Variants in PLCXD3 observed in about 807,000 individuals in gnomAD.
The protein encoded by PLCXD3 is phosphatidylinositol specific phospholipase C X domain containing 3.
Under a neutral mutation model 25.5 loss-of-function variants are expected in PLCXD3, and 19 were observed. The ratio of observed to expected loss-of-function variants is 0.75; its 90% CI spans 0.52 to 1.09. The LOEUF is 1.09. Ranked by LOEUF, PLCXD3 falls within the 50% of genes least tolerant of loss-of-function variation. The pLI, the probability that PLCXD3 is intolerant of heterozygous loss-of-function variation, is 0.00. For synonymous variants in PLCXD3, 174 were observed against 137.6 expected, an observed-to-expected ratio of 1.26 and a Z score of -1.85; for missense variants, 411 against 388.1, an observed-to-expected ratio of 1.06 and a Z score of -0.50.
chr5:41,407,982 T>C (rs1352513877), intron 1 of PLCXD3, among the ~76,000 whole-genome samples: 1 of 152,186 alleles, frequency 6.6e-6, no homozygotes, highest in Non-Finnish European at 1.5e-5. Flanking sequence ...TACTGATGAC[T>C]CTGAGGAGTA....
At chr5:41,396,022 C>T (rs970380831) in intron 1 of PLCXD3, among the ~76,000 whole-genome samples, 15 of 146,536 alleles carry the variant, frequency 1.0e-4, no homozygotes, top group African/African-American at 3.8e-4. Context: ...AACCACAAAA[C>T]AAAACAAAAA....
chr5:41,410,095 CTTTAGA>C, intron 1 of PLCXD3, among the ~76,000 whole-genome samples: 1 of 151,388 alleles, frequency 6.6e-6, no homozygotes, highest in Non-Finnish European at 1.5e-5. Context: ...CTCTGGGGTA[CTTTAGA>C]TAGATTAATG....
intron 1 of PLCXD3, among the ~76,000 whole-genome samples, chr5:41,392,382 G>A (rs1250002865): frequency 6.6e-6 from 1 of 152,034 alleles, no homozygotes; most frequent in East Asian, 1.9e-4. Context: ...TGTATATTTG[G>A]GATAAAGTAA....
rs142307149 is a variant in PLCXD3 at position 41,361,350 on chromosome 5, G to A, written c.812+20476C>T. Reference sequence around the variant, plus strand: ...CATGAGCTTCCCTGCTGAGAAAGCAGGCAGACCCGCAGTTTTTTGGTGTCT... The same window carrying A: ...CATGAGCTTCCCTGCTGAGAAAGCAAGCAGACCCGCAGTTTTTTGGTGTCT... On this transcript the variant is annotated intron_variant, in intron 2 of 2. Coordinates refer to ENST00000377801, the MANE Select transcript of PLCXD3 (RefSeq NM_001005473.3). Among the ~76,000 whole-genome samples the A allele has an allele frequency of 2.2e-3, 330 of 152,336 alleles. 2 individuals carry two copies. The highest frequency in any genetic ancestry group is 4.2e-3 in the Admixed American group (64 of 15,304).
At chr5:41,491,975 T>G (rs1274328388) in intron 1 of PLCXD3, among the ~76,000 whole-genome samples, 1 of 152,228 alleles carries the variant, frequency 6.6e-6, no homozygotes, top group East Asian at 1.9e-4. Context: ...GATCCTGTCA[T>G]TATGATGTTA....
At chr5:41,460,626 A>T (rs554228869) in intron 1 of PLCXD3, among the ~76,000 whole-genome samples, 1 of 152,022 alleles carries the variant, frequency 6.6e-6, no homozygotes, top group East Asian at 1.9e-4. Context: ...TTGCACACAA[A>T]TAACTTTATC....
intron 1 of PLCXD3, among the ~76,000 whole-genome samples, chr5:41,447,738 T>C (rs1004924337): frequency 2.6e-5 from 4 of 152,214 alleles, no homozygotes; most frequent in Admixed American, 2.0e-4. Context: ...GCAAATAGAA[T>C]GGATAATATG....
chr5:41,452,016 A>G (rs567366271), intron 1 of PLCXD3, among the ~76,000 whole-genome samples: 21 of 152,124 alleles, frequency 1.4e-4, no homozygotes, highest in African/African-American at 3.6e-4. Context: ...TTTTCTGCTC[A>G]AGGGATTGCT....
At chr5:41,329,913 G>T (rs1175804185) in intron 2 of PLCXD3, among the ~76,000 whole-genome samples, 6 of 150,790 alleles carry the variant, frequency 4.0e-5, no homozygotes, top group African/African-American at 1.5e-4. Flanking sequence ...TCTTTTTTAA[G>T]TATATGTATT....
At chr5:41,353,190 T>C (rs573888354) in intron 2 of PLCXD3, among the ~76,000 whole-genome samples, 1 of 151,930 alleles carries the variant, frequency 6.6e-6, no homozygotes, top group East Asian at 1.9e-4. Context: ...CCTCCCGGGT[T>C]CATGCCATTC....
chr5:41,460,686 TACA>T (rs907455131), intron 1 of PLCXD3, among the ~76,000 whole-genome samples: 1 of 152,020 alleles, frequency 6.6e-6, no homozygotes, highest in Admixed American at 6.6e-5. Context: ...TTGCCCTTTT[TACA>T]ACGTCATTAT....
chr5:41,364,144 G>A (rs1206885570), intron 2 of PLCXD3, among the ~76,000 whole-genome samples: 1 of 152,084 alleles, frequency 6.6e-6, no homozygotes, highest in Non-Finnish European at 1.5e-5. Context: ...CATAACTCAG[G>A]GGAAGGTGCT....
intron 2 of PLCXD3, among the ~76,000 whole-genome samples, chr5:41,325,909 T>C (rs767768543): frequency 1.7e-4 from 26 of 152,198 alleles, no homozygotes; most frequent in Non-Finnish European, 3.4e-4. Context: ...CTTTCTTGAT[T>C]CATAAATGGA....
Position 41,313,052 on chromosome 5 carries a change from A to G in PLCXD3, c.*565T>C, listed in dbSNP as rs145712410. 1.3e-5 allele frequency: 2 copies of G among 152,998 alleles called. No homozygotes were observed. Among genetic ancestry groups the G allele is most frequent in the African/African-American group, 4.8e-5 (2 of 41,580 alleles). The allele number at this position is 152,998 out of a possible 1,614,324, so 9.5% of individuals were successfully genotyped here. On this transcript the variant is annotated 3_prime_UTR_variant, in exon 3 of 3. Transcript: ENST00000377801. ...TTATGACCTTCAATATTACTGATGC[A>G]TGGAAACTGATTTGATGCAGATTTT...
intron 2 of PLCXD3, among the ~76,000 whole-genome samples, chr5:41,316,126 G>C (rs1167522401): frequency 6.6e-6 from 1 of 152,164 alleles, no homozygotes; most frequent in Non-Finnish European, 1.5e-5. Context: ...AGAAGAGGGG[G>C]AAGAATGGTG....
At chr5:41,432,365 C>T (rs1257301370) in intron 1 of PLCXD3, among the ~76,000 whole-genome samples, 2 of 152,128 alleles carry the variant, frequency 1.3e-5, no homozygotes, top group East Asian at 3.8e-4. Context: ...CCCTGTATTT[C>T]TTTGGCTATC....
At chr5:41,377,198 G>C (rs12518664) in intron 2 of PLCXD3, among the ~76,000 whole-genome samples, 16,283 of 152,008 alleles carry the variant, frequency 0.11, 1,054 homozygotes, top group Admixed American at 0.17. Flanking sequence ...TCCCTTTATT[G>C]TTAAGATAGG....
intron 1 of PLCXD3, among the ~76,000 whole-genome samples, chr5:41,422,006 G>T (rs2925730): frequency 0.031 from 89 of 2,872 alleles, 1 homozygote; most frequent in Middle Eastern, 0.5. Context: ...TATATATATT[G>T]CTAATGCATA....
Position 41,382,125 on chromosome 5 carries a change from G to T in PLCXD3, c.513C>A (p.Cys171Ter). ...TAACTTCCTGGGCAAAAATCGCTGG[G>T]CACATTTTATTTCCATAGATGTCTT... ...MLKDIYGNKMCPAIFAQEVSL... is the reference protein window; with the variant it reads ...MLKDIYGNKM The change falls in exon 2 of 3, where the codon TGC (cysteine) becomes TGA (stop). Residue 171 changes from cysteine to a stop codon, truncating the protein, a stop_gained. Coordinates refer to ENST00000377801, the MANE Select transcript of PLCXD3 (RefSeq NM_001005473.3). LOFTEE classifies it high-confidence loss of function. The T allele has an allele frequency of 6.2e-7, 1 of 1,613,622 alleles. No individual in the cohort carries two copies. The highest frequency in any genetic ancestry group is 8.5e-7 in the Non-Finnish European group (1 of 1,179,760).
Sources: gnomAD v4.1 joint callset for allele counts (sites outside exome capture counted in the v4.1 genomes callset) on GRCh38, gnomAD v4.1.1 for gene constraint, MANE v1.5 for transcripts, NCBI Gene and HGNC (gene_info 2026-07-23, HGNC 2026-07-21) for gene names.